Variants in WDPCP observed in about 807,000 individuals in gnomAD.
WDPCP encodes the protein WD repeat containing planar cell polarity effector, also known as WD repeat-containing and planar cell polarity effector protein fritz homolog.
A neutral mutation model predicts 93.1 loss-of-function variants in WDPCP; 71 were observed. That is an observed-to-expected ratio of 0.76 (90% CI 0.63 to 0.93). The LOEUF is 0.93. Ranked by LOEUF, WDPCP falls within the 40% of genes least tolerant of loss-of-function variation. The probability of loss-of-function intolerance (pLI) is 0.00; values close to 1 mark genes in which losing one functional copy is unlikely to be tolerated. For synonymous variants in WDPCP, 315 were observed against 315.0 expected, an observed-to-expected ratio of 1.00 and a Z score of 0.00; for missense variants, 844 against 887.4, an observed-to-expected ratio of 0.95 and a Z score of 0.62.
intron 2 of WDPCP, among the ~76,000 whole-genome samples, chr2:63,708,683 T>C (rs932423343): frequency 2.6e-5 from 4 of 152,114 alleles, no homozygotes; most frequent in Non-Finnish European, 4.4e-5. Context: ...GGTACCTCAG[T>C]TGGAAATGCA....
At chr2:63,573,075 T>C (rs1241103702) in intron 1 of WDPCP, among the ~76,000 whole-genome samples, 2 of 152,002 alleles carry the variant, frequency 1.3e-5, no homozygotes, top group African/African-American at 4.8e-5. Flanking sequence ...AGCAAGACCC[T>C]GTCTCTTAAA....
intron 2 of WDPCP, among the ~76,000 whole-genome samples, chr2:63,777,156 G>T (rs897153810): frequency 2.6e-5 from 4 of 152,082 alleles, no homozygotes; most frequent in Non-Finnish European, 5.9e-5. Flanking sequence ...ATATATACAT[G>T]TATTGAAATA....
intron 9 of WDPCP, among the ~76,000 whole-genome samples, chr2:63,417,345 G>C (rs1016410915): frequency 3.3e-5 from 5 of 152,108 alleles, no homozygotes; most frequent in Non-Finnish European, 7.4e-5. Flanking sequence ...TAACCCTGTA[G>C]TTGGCATATG....
intron 9 of WDPCP, among the ~76,000 whole-genome samples, chr2:63,414,490 CACACACATATATAT>C (rs1422403837): frequency 2.0e-5 from 3 of 151,826 alleles, no homozygotes; most frequent in African/African-American, 4.8e-5. Context: ...CACACACACA[CACACACATATATAT>C]ACACACACAC....
At chr2:63,811,353 G>A (rs1239794288) in intron 2 of WDPCP, among the ~76,000 whole-genome samples, 1 of 152,196 alleles carries the variant, frequency 6.6e-6, no homozygotes, top group Non-Finnish European at 1.5e-5. Context: ...TCACTCTAGA[G>A]ACTTTCCTCA....
chr2:63,761,983 A>G (rs1008879430), intron 2 of WDPCP, among the ~76,000 whole-genome samples: 6 of 152,276 alleles, frequency 3.9e-5, no homozygotes, highest in Admixed American at 3.9e-4. Context: ...TTTAAAAAAA[A>G]CACGTGCATC....
At chr2:63,213,404 A>G (rs1190734460) in intron 14 of WDPCP, among the ~76,000 whole-genome samples, 1 of 152,234 alleles carries the variant, frequency 6.6e-6, no homozygotes, top group Non-Finnish European at 1.5e-5. Context: ...AGGCAGAAAT[A>G]AAGATGTTCT....
chr2:63,744,142 G>C (rs1343233745), intron 2 of WDPCP, among the ~76,000 whole-genome samples: 1 of 152,124 alleles, frequency 6.6e-6, no homozygotes, highest in Non-Finnish European at 1.5e-5. Context: ...TGCAGTCATA[G>C]TGTTCTTGGA....
intron 14 of WDPCP, among the ~76,000 whole-genome samples, chr2:63,258,553 T>C (rs1319400678): frequency 6.6e-6 from 1 of 152,212 alleles, no homozygotes; most frequent in Non-Finnish European, 1.5e-5. Context: ...GTGGAAATCT[T>C]TTTAAAACTT....
chr2:63,210,841 C>T (rs536284169), intron 14 of WDPCP, among the ~76,000 whole-genome samples: 8 of 152,330 alleles, frequency 5.3e-5, no homozygotes, highest in South Asian at 4.1e-4. Flanking sequence ...CCCATGCCCA[C>T]GGAGCCTTGC....
chr2:63,530,594 T>C (rs1205003697), intron 1 of WDPCP, among the ~76,000 whole-genome samples: 1 of 152,208 alleles, frequency 6.6e-6, no homozygotes, highest in Non-Finnish European at 1.5e-5. Flanking sequence ...TGCAAAAATG[T>C]TGATACCTCA....
intron 14 of WDPCP, among the ~76,000 whole-genome samples, chr2:63,192,258 A>G (rs1343083442): frequency 6.6e-6 from 1 of 152,146 alleles, no homozygotes; most frequent in African/African-American, 2.4e-5. Flanking sequence ...AAGTCATTTA[A>G]TCTCTCTGAG....
intron 3 of WDPCP, among the ~76,000 whole-genome samples, chr2:63,620,658 A>G (rs144218957): frequency 2.2e-3 from 337 of 152,354 alleles, no homozygotes; most frequent in Non-Finnish European, 4.2e-3. Context: ...CTCCCAACAC[A>G]GTGCTTGAGC....
At chr2:63,376,470 T>C (rs1691862515) in intron 12 of WDPCP, among the ~76,000 whole-genome samples, 1 of 151,854 alleles carries the variant, frequency 6.6e-6, no homozygotes, top group Non-Finnish European at 1.5e-5. Flanking sequence ...AGCAGGATGG[T>C]TACAAATATG....
intron 12 of WDPCP, among the ~76,000 whole-genome samples, chr2:63,370,274 A>G (rs1301895184): frequency 6.6e-6 from 1 of 152,044 alleles, no homozygotes; most frequent in Non-Finnish European, 1.5e-5. Context: ...TCATCTATAA[A>G]ATCACATTTT....
chr2:63,728,002 C>T (rs1349757598), intron 2 of WDPCP, among the ~76,000 whole-genome samples: 3 of 152,172 alleles, frequency 2.0e-5, no homozygotes, highest in South Asian at 4.2e-4. Flanking sequence ...CCCCTCAGTA[C>T]TACAAATTTC....
chr2:63,200,708 G>C (rs1241375935), intron 14 of WDPCP, among the ~76,000 whole-genome samples: 1 of 152,016 alleles, frequency 6.6e-6, no homozygotes, highest in Non-Finnish European at 1.5e-5. Flanking sequence ...TGTTTATTGG[G>C]TACAACAAAA....
intron 17 of WDPCP, among the ~76,000 whole-genome samples, chr2:63,126,397 A>G (rs1669904288): frequency 6.6e-6 from 1 of 152,352 alleles, no homozygotes; most frequent in South Asian, 2.1e-4. Context: ...TTAATCATGT[A>G]ATATTACTAA....
At chr2:63,484,029 T>C (rs570622763) in intron 6 of WDPCP, among the ~76,000 whole-genome samples, 28 of 152,138 alleles carry the variant, frequency 1.8e-4, no homozygotes, top group African/African-American at 5.3e-4. Flanking sequence ...CATGTGGCTA[T>C]TGAACACTTA....
Sources: allele counts gnomAD v4.1 joint callset (sites outside exome capture counted in the v4.1 genomes callset), GRCh38; gene constraint gnomAD v4.1.1; transcripts MANE v1.5; gene names NCBI Gene and HGNC (gene_info 2026-07-23, HGNC 2026-07-21).